RANBP2: variants seen among roughly 807,000 people sequenced by gnomAD.
RANBP2 encodes RAN binding protein 2.
In RANBP2, 57 loss-of-function variants were observed where a neutral mutation model predicts 303.6. That is an observed-to-expected ratio of 0.19 (90% CI 0.15 to 0.23). The LOEUF (loss-of-function observed/expected upper bound fraction) is 0.23, where lower values mean the gene tolerates loss of function less well. Among genes scored for constraint, RANBP2 ranks in the 10% least tolerant of loss-of-function variants. RANBP2 has a pLI of 1.00. For synonymous variants in RANBP2, 1,167 were observed against 1,301.5 expected, an observed-to-expected ratio of 0.90 and a Z score of 2.23; for missense variants, 3,138 against 3,780.8, an observed-to-expected ratio of 0.83 and a Z score of 4.46.
the RANBP2 span, among the ~76,000 whole-genome samples, chr2:109,300,313 G>A: frequency 6.6e-6 from 1 of 152,230 alleles, no homozygotes; most frequent in East Asian, 1.9e-4. Flanking sequence ...CCGAGTAGCT[G>A]GGACTATAGT....
the RANBP2 span, among the ~76,000 whole-genome samples, chr2:109,194,892 T>C: frequency 6.6e-6 from 1 of 152,004 alleles, no homozygotes; most frequent in Non-Finnish European, 1.5e-5. Context: ...TTAAAAATGC[T>C]ACTTGGAAAA....
In RANBP2 at chr2:108,751,770, T is replaced by C. The variant is rs1349125448; in HGVS notation, c.1631+67T>C. ...GGTTTTACCGGGGATTTAATCCTCA[T>C]GTGAAGATTTAATTTGTCATGTGAC... On this transcript the variant is annotated intron_variant, in intron 11 of 28. Coordinates refer to ENST00000283195, the MANE Select transcript of RANBP2 (RefSeq NM_006267.5). The C allele has an allele frequency of 4.4e-6, 7 of 1,609,128 alleles. No individual in the cohort carries two copies. The South Asian group carries it at 7.7e-5, about 18-fold the overall frequency.
the RANBP2 span, among the ~76,000 whole-genome samples, chr2:109,260,818 G>C: frequency 4.6e-5 from 7 of 152,188 alleles, no homozygotes; most frequent in African/African-American, 1.2e-4. Context: ...ATGGTTTCAG[G>C]GGAGGGACTT....
At chr2:109,275,462 C>T in the RANBP2 span, among the ~76,000 whole-genome samples, 1 of 152,208 alleles carries the variant, frequency 6.6e-6, no homozygotes, top group African/African-American at 2.4e-5. Flanking sequence ...TAGGCCAAGG[C>T]AGCAGCTTAA....
the RANBP2 span, chr2:108,929,077 G>A: frequency 8.6e-7 from 1 of 1,164,848 alleles, no homozygotes; most frequent in South Asian, 1.3e-5. Flanking sequence ...CCAAGGCCAG[G>A]TGTGCGGCTG....
At chr2:108,974,130 C>T in the RANBP2 span, among the ~76,000 whole-genome samples, 2 of 151,200 alleles carry the variant, frequency 1.3e-5, no homozygotes, top group Non-Finnish European at 2.9e-5. Context: ...GAGATCGAGA[C>T]CATCCTGGCT....
the RANBP2 span, among the ~76,000 whole-genome samples, chr2:109,538,100 C>G: frequency 6.6e-6 from 1 of 152,176 alleles, no homozygotes; most frequent in Non-Finnish European, 1.5e-5. Context: ...AGGTGGACAT[C>G]CTTTTCTTTG....
chr2:109,631,891 C>T, the RANBP2 span, among the ~76,000 whole-genome samples: 2 of 152,126 alleles, frequency 1.3e-5, no homozygotes, highest in Admixed American at 6.5e-5. Flanking sequence ...CTTTTTTATG[C>T]TACTAAGGTA....
chr2:109,358,598 T>G, the RANBP2 span, among the ~76,000 whole-genome samples: 1 of 152,250 alleles, frequency 6.6e-6, no homozygotes, highest in Non-Finnish European at 1.5e-5. Context: ...AGTGTCTTCT[T>G]TGGTGAAGGT....
At chr2:109,053,828 C>T in the RANBP2 span, among the ~76,000 whole-genome samples, 1 of 152,076 alleles carries the variant, frequency 6.6e-6, no homozygotes, top group Admixed American at 6.5e-5. Flanking sequence ...TGTCCCTCTC[C>T]CACCCCCTCC....
chr2:108,907,032 G>A, the RANBP2 span, among the ~76,000 whole-genome samples: 7,854 of 152,278 alleles, frequency 0.052, 270 homozygotes, highest in South Asian at 0.14. Flanking sequence ...CTAGAGGGAC[G>A]ACCACAGGCC....
the RANBP2 span, among the ~76,000 whole-genome samples, chr2:108,828,194 G>A: frequency 2.2e-4 from 34 of 151,874 alleles, no homozygotes; most frequent in African/African-American, 8.0e-4. Flanking sequence ...GGAGGTTATC[G>A]TGAAACCATA....
chr2:108,722,310 G>A (rs1481325794), intron 1 of RANBP2, among the ~76,000 whole-genome samples: 2 of 152,212 alleles, frequency 1.3e-5, no homozygotes, highest in East Asian at 1.9e-4. Context: ...GGATTTCAGC[G>A]GAATATGGAT....
the RANBP2 span, among the ~76,000 whole-genome samples, chr2:109,428,383 A>C: frequency 3.3e-5 from 5 of 152,266 alleles, no homozygotes; most frequent in Admixed American, 2.0e-4. Flanking sequence ...AGTATGGGTA[A>C]GCGAAGGCTG....
the RANBP2 span, among the ~76,000 whole-genome samples, chr2:109,570,527 G>GTT: frequency 8.5e-4 from 125 of 147,206 alleles, no homozygotes; most frequent in East Asian, 1.2e-3. Flanking sequence ...ATTGTATCAG[G>GTT]TTTTTTTTTT....
chr2:109,702,715 T>C, the RANBP2 span, among the ~76,000 whole-genome samples: 1 of 152,050 alleles, frequency 6.6e-6, no homozygotes. Flanking sequence ...TTGATGGGAG[T>C]TTTGAAAGTG....
chr2:108,791,576 T>G, the RANBP2 span: 1 of 1,393,672 alleles, frequency 7.2e-7, no homozygotes, highest in Non-Finnish European at 1.0e-6. Flanking sequence ...TTTTTACATT[T>G]TTTCTCAGTT....
chr2:108,972,791 G>A, the RANBP2 span, among the ~76,000 whole-genome samples: 1 of 152,114 alleles, frequency 6.6e-6, no homozygotes, highest in Non-Finnish European at 1.5e-5. Flanking sequence ...GAGGACCGGG[G>A]GGCCTCCGGC....
the RANBP2 span, among the ~76,000 whole-genome samples, chr2:109,429,380 C>T: frequency 6.6e-6 from 1 of 152,120 alleles, no homozygotes; most frequent in Non-Finnish European, 1.5e-5. Flanking sequence ...TCCAGTTCCC[C>T]CAGCAACCTA....
Sources: gnomAD v4.1 joint callset for allele counts (sites outside exome capture counted in the v4.1 genomes callset) on GRCh38, gnomAD v4.1.1 for gene constraint, MANE v1.5 for transcripts, NCBI Gene and HGNC (gene_info 2026-07-23, HGNC 2026-07-21) for gene names.